Variants in IGSF3 observed in about 807,000 individuals in gnomAD.
IGSF3 encodes glu-Trp-Ile EWI motif-containing protein 3.
A neutral mutation model predicts 114.4 loss-of-function variants in IGSF3; 23 were observed. The observed-to-expected ratio is 0.20, with a 90% confidence interval of 0.14 to 0.28. The LOEUF (loss-of-function observed/expected upper bound fraction) is 0.28. IGSF3 is among the 10% of genes least tolerant of loss of function. IGSF3 has a pLI of 1.00. For missense variants in IGSF3, 1,172 were observed against 1,591.5 expected, an observed-to-expected ratio of 0.74 and a Z score of 4.48; for synonymous variants, 571 against 645.2, an observed-to-expected ratio of 0.88 and a Z score of 1.74.
At chr1:116,601,096 T>C (rs1245979639) in intron 6 of IGSF3, among the ~76,000 whole-genome samples, 1 of 152,212 alleles carries the variant, frequency 6.6e-6, no homozygotes, top group East Asian at 1.9e-4. Context: ...CCAGTATTTA[T>C]TGAGCACTAT....
In IGSF3 at chr1:116,579,469, A is replaced by G; in HGVS notation, c.3257T>C (p.Leu1086Pro). ...GNYSCHVEEW[L>P]PSPQKEWYRL... ...GTACCATTCCTTCTGAGGGCTGGGC[A>G]GCCACTCCTCCACATGGCAGGAGTA... is the stretch of plus-strand genomic sequence containing the variant. The change falls in exon 10 of 11, where the codon CTG (leucine) becomes CCG (proline). Residue 1086 changes from leucine to proline, a missense_variant. Leu to Pro is a moderately conservative substitution (Grantham distance 98). Around this residue, in one of 3 missense-constraint regions of IGSF3, gnomAD observed 423 missense variants for 509.8 expected, o/e 0.83. Coordinates refer to ENST00000369486, the MANE Select transcript of IGSF3 (RefSeq NM_001007237.3). This position sits in a 1 kb window ranked among gnomAD's most constrained non-coding sequence, Gnocchi z 6.4. The G allele has an allele frequency of 6.2e-7, 1 of 1,613,416 alleles. No homozygotes were observed. The highest frequency in any genetic ancestry group is 8.5e-7 in the Non-Finnish European group (1 of 1,179,736).
At position 116,657,540 on chromosome 1, in the gene IGSF3, G is replaced by A. The variant is rs138578715; in HGVS notation, c.43+8744C>T. 0.034 allele frequency among the ~76,000 whole-genome samples: 5,247 copies of A among 152,186 alleles called. 308 individuals carry two copies. Among genetic ancestry groups the A allele is most frequent in the African/African-American group, 0.12 (4,943 of 41,470 alleles). ...GAACTGGACTATATCAAGTGTGAAC[G>A]ATCATACTGGTTATCATGTGGGAAA... On this transcript the variant is annotated intron_variant, in intron 2 of 10. Transcript: ENST00000369486. The surrounding 1 kb of genome is among the most constrained non-coding windows in gnomAD (Gnocchi z 4.2).
chr1:116,615,958 TA>T lies in IGSF3; in HGVS notation c.421+121del. On this transcript the variant is annotated intron_variant, in intron 3 of 10. Coordinates refer to ENST00000369486, the MANE Select transcript of IGSF3 (RefSeq NM_001007237.3). The surrounding 1 kb of genome is among the most constrained non-coding windows in gnomAD (Gnocchi z 4.3). Reference sequence around the variant, plus strand: ...TTTCCTTGTGCTATCTGTTGACCCCTAAAATATGTTGGGAGTTTTGGGATTT... The same window carrying T: ...TTTCCTTGTGCTATCTGTTGACCCCTAAATATGTTGGGAGTTTTGGGATTT... 1.4e-6 allele frequency: 1 copy of T among 722,422 alleles called. No homozygotes were observed. The highest frequency in any genetic ancestry group is 2.3e-6 in the Non-Finnish European group (1 of 435,294). 44.8% of individuals were successfully genotyped at this position (722,422 alleles called of 1,614,324 possible). A position where few individuals can be genotyped will look rare whatever the true frequency, so the allele number is the denominator to read the frequency against.
rs12025247 is a variant in IGSF3, at chr1:116,647,373, G to A, written c.43+18911C>T. 6.6e-5 allele frequency among the ~76,000 whole-genome samples: 10 copies of A among 152,284 alleles called. No homozygotes were observed. Among genetic ancestry groups the A allele is most frequent in the East Asian group, 3.9e-4 (2 of 5,182 alleles). ...TCCAAAGGTCGTGCCTTTATGGCTC[G>A]CAACTATGTGCTGAGTGTGGCCCAA... On this transcript the variant is annotated intron_variant, in intron 2 of 10. Transcript: ENST00000369486. The surrounding 1 kb of genome is among the most constrained non-coding windows in gnomAD (Gnocchi z 4.6).
In IGSF3 at chr1:116,666,702, C is replaced by A; in HGVS notation, c.-376G>T. ...CATCCACTGATTATACAGAAATGTC[C>A]TTGGCTTCTCAGTGAAGGTGTCTGT... On this transcript the variant is annotated 5_prime_UTR_variant, in exon 2 of 11. The change creates a new upstream start codon in the 5' untranslated region. Transcript: ENST00000369486. 1 of 510,954 alleles carries A rather than the reference C, an allele frequency of 2.0e-6. No homozygotes were observed. Among genetic ancestry groups the A allele is most frequent in the Non-Finnish European group, 3.4e-6 (1 of 293,690 alleles). 31.7% of individuals were successfully genotyped at this position (510,954 alleles called of 1,614,324 possible).
Position 116,584,721 on chromosome 1 carries a change from C to T in IGSF3, c.2772G>A (p.Leu924=). 1 of 1,613,522 alleles carries T rather than the reference C, an allele frequency of 6.2e-7. No homozygotes were observed. Among genetic ancestry groups the T allele is most frequent in the Non-Finnish European group, 8.5e-7 (1 of 1,179,410 alleles). ...GTYSCHVEEW[L]PSPSGMWYKR... is the part of the protein sequence containing the mutation. Reference sequence around the variant, plus strand: ...TATACCACATGCCACTGGGGCTGGGCAGCCACTCCTCCACATGGCAGCTGT... The same window carrying T: ...TATACCACATGCCACTGGGGCTGGGTAGCCACTCCTCCACATGGCAGCTGT... The change falls in exon 9 of 11, where the codon CTG becomes CTA. Residue 924 remains leucine (L), a synonymous_variant. Coordinates refer to ENST00000369486, the MANE Select transcript of IGSF3 (RefSeq NM_001007237.3). This position sits in a 1 kb window ranked among gnomAD's most constrained non-coding sequence, Gnocchi z 5.8.
chr1:116,621,858 TTAAC>T (rs1333370198), intron 2 of IGSF3, among the ~76,000 whole-genome samples: 2 of 152,200 alleles, frequency 1.3e-5, no homozygotes, highest in African/African-American at 4.8e-5. Flanking sequence ...ATGATACCAC[TTAAC>T]TAGTTTTTCA....
At chr1:116,599,387 CAT>C (rs886290988) in intron 7 of IGSF3, among the ~76,000 whole-genome samples, 38 of 120,304 alleles carry the variant, frequency 3.2e-4, no homozygotes, top group African/African-American at 1.5e-3. Flanking sequence ...CAGACACATA[CAT>C]ATACACACAC....
intron 2 of IGSF3, among the ~76,000 whole-genome samples, chr1:116,639,488 T>C (rs550597805): frequency 1.1e-3 from 162 of 152,344 alleles, no homozygotes; most frequent in African/African-American, 3.8e-3. Context: ...CACCTGCAGA[T>C]GACAGAAGGA....
At position 116,579,771 on chromosome 1, in the gene IGSF3, G is replaced by C; in HGVS notation, c.2955C>G (p.Arg985=). 1.2e-6 allele frequency: 2 copies of C among 1,614,172 alleles called. No homozygotes were observed. The highest frequency in any genetic ancestry group is 1.7e-6 in the Non-Finnish European group (2 of 1,180,032). The change falls in exon 10 of 11, where the codon CGC becomes CGG. Residue 985 remains arginine (R), a synonymous_variant. Coordinates refer to ENST00000369486, the MANE Select transcript of IGSF3 (RefSeq NM_001007237.3). This position sits in a 1 kb window ranked among gnomAD's most constrained non-coding sequence, Gnocchi z 6.4. ...TCAGGGAATACCAGGCCACAGCGAA[G>C]CGGGAGTCCTGGCTGGAGCGGGACA... ...SIVSRSSQDS[R]FAVAWYSLRT...
chr1:116,651,577 T>A lies in IGSF3; in HGVS notation c.43+14707A>T, dbSNP rs1648638089. On this transcript the variant is annotated intron_variant, in intron 2 of 10. Transcript: ENST00000369486. The surrounding 1 kb of genome is among the most constrained non-coding windows in gnomAD (Gnocchi z 4.4). The stretch of plus-strand genomic sequence containing the variant: ...GTGTTAAATGCAGCCTACCATAGGA[T>A]CGTTGATTACAACATGCATTCAACA... 6.6e-6 allele frequency among the ~76,000 whole-genome samples: 1 copy of A among 152,256 alleles called. No homozygotes were observed. Among genetic ancestry groups the A allele is most frequent in the Non-Finnish European group, 1.5e-5 (1 of 68,052 alleles).
Position 116,649,932 on chromosome 1 carries a change from C to T in IGSF3, c.43+16352G>A, listed in dbSNP as rs1289841207. On this transcript the variant is annotated intron_variant, in intron 2 of 10. Transcript: ENST00000369486. The surrounding 1 kb of genome is among the most constrained non-coding windows in gnomAD (Gnocchi z 4.5). Reference sequence around the variant, plus strand: ...GTCTTCACAGGTTTGCTCATGCCACCATTCCTTTCCCCAGAACGCCCTTCT... The same window carrying T: ...GTCTTCACAGGTTTGCTCATGCCACTATTCCTTTCCCCAGAACGCCCTTCT... Among the ~76,000 whole-genome samples the T allele has an allele frequency of 6.6e-6, 1 of 152,202 alleles. No individual in the cohort carries two copies. The highest frequency in any genetic ancestry group is 1.5e-5 in the Non-Finnish European group (1 of 68,028).
In IGSF3 at chr1:116,592,070, G is replaced by A. The variant is rs1184751167; in HGVS notation, c.2030-2966C>T. On this transcript the variant is annotated intron_variant, in intron 7 of 10. Coordinates refer to ENST00000369486, the MANE Select transcript of IGSF3 (RefSeq NM_001007237.3). This position sits in a 1 kb window ranked among gnomAD's most constrained non-coding sequence, Gnocchi z 4.5. Reference sequence around the variant, plus strand: ...AGAATGGGAGTTGTCAAGCATAAGTGGCAATCTTCCTGCTCAAAGTGCTGT... The same window carrying A: ...AGAATGGGAGTTGTCAAGCATAAGTAGCAATCTTCCTGCTCAAAGTGCTGT... Among the ~76,000 whole-genome samples, 1 of 152,092 alleles carries A rather than the reference G, an allele frequency of 6.6e-6. No individual in the cohort carries two copies. The highest frequency in any genetic ancestry group is 1.5e-5 in the Non-Finnish European group (1 of 68,026).
chr1:116,656,064 G>C (rs1648832187), intron 2 of IGSF3, among the ~76,000 whole-genome samples: 1 of 151,994 alleles, frequency 6.6e-6, no homozygotes, highest in Non-Finnish European at 1.5e-5. Context: ...TTCTGATATA[G>C]CCATAAAATT....
In IGSF3 at chr1:116,577,720, C is replaced by T. The variant is rs1010169765; in HGVS notation, c.3335-158G>A. 1.3e-5 allele frequency among the ~76,000 whole-genome samples: 2 copies of T among 152,092 alleles called. No homozygotes were observed. The highest frequency in any genetic ancestry group is 4.8e-5 in the African/African-American group (2 of 41,388). On this transcript the variant is annotated intron_variant, in intron 10 of 10. Coordinates refer to ENST00000369486, the MANE Select transcript of IGSF3 (RefSeq NM_001007237.3). This position sits in a 1 kb window ranked among gnomAD's most constrained non-coding sequence, Gnocchi z 5.7. The stretch of plus-strand genomic sequence containing the variant: ...GCTACCATTAATGGTGGAAGATGAC[C>T]CTTATATTCTTTTTCTCGCAACACC...
Position 116,608,137 on chromosome 1 carries a change from G to C in IGSF3, c.1027C>G (p.Arg343Gly), listed in dbSNP as rs186643565. Residue 343 changes from arginine to glycine, a missense_variant, in exon 5 of 11, where the codon CGG becomes GGG. Physicochemically the swap from Arg to Gly is moderately radical, Grantham distance 125. Transcript: ENST00000369486. ...ACCTTAAGCTGTCCCCTGGCTTCCC[G>C]GTGAGCAAATTCGCTGTTGAGGACA... ...VPVLNSEFAH[R>G]EARGQLKVAK... 6.2e-7 allele frequency: 1 copy of C among 1,613,740 alleles called. No homozygotes were observed. Among genetic ancestry groups the C allele is most frequent in the African/African-American group, 1.3e-5 (1 of 74,882 alleles).
rs190748113 is a variant in IGSF3 at position 116,639,859 on chromosome 1, C to T, written c.44-23402G>A. On this transcript the variant is annotated intron_variant, in intron 2 of 10. Coordinates refer to ENST00000369486, the MANE Select transcript of IGSF3 (RefSeq NM_001007237.3). ...GACCAATCTGGCCAACACGGTGAAA[C>T]CCCGTCTCTACTGAAAACACAAAAA... 5.0e-3 allele frequency among the ~76,000 whole-genome samples: 753 copies of T among 152,030 alleles called. 3 individuals are homozygous for T. The highest frequency in any genetic ancestry group is 0.013 in the South Asian group (64 of 4,812).
rs1185234914 is a variant in IGSF3 at position 116,650,332 on chromosome 1, A to T, written c.43+15952T>A. Among the ~76,000 whole-genome samples the T allele has an allele frequency of 2.6e-5, 4 of 152,202 alleles. No individual in the cohort carries two copies. Among genetic ancestry groups the T allele is most frequent in the Non-Finnish European group, 5.9e-5 (4 of 68,030 alleles). Reference sequence around the variant, plus strand: ...CAACAAACCTGCTTTCCTCATTGCAACAAGATGGCTGCTTCATGTCCGAGA... The same window carrying T: ...CAACAAACCTGCTTTCCTCATTGCATCAAGATGGCTGCTTCATGTCCGAGA... On this transcript the variant is annotated intron_variant, in intron 2 of 10. Coordinates refer to ENST00000369486, the MANE Select transcript of IGSF3 (RefSeq NM_001007237.3). The surrounding 1 kb of genome is among the most constrained non-coding windows in gnomAD (Gnocchi z 5.0).
chr1:116,613,850 G>A lies in IGSF3; in HGVS notation c.747C>T (p.Ala249=), dbSNP rs145625228. ...SDQGEFYCEA[A]EWIQDPDGSW... ...ACCCATCCGGATCCTGGATCCACTC[G>A]GCGGCCTCGCAGTAGAATTCGCCCT... Residue 249 remains alanine, a synonymous_variant, in exon 4 of 11, where the codon GCC becomes GCT. Coordinates refer to ENST00000369486, the MANE Select transcript of IGSF3 (RefSeq NM_001007237.3). 1.1e-4 allele frequency: 177 copies of A among 1,613,820 alleles called. No homozygotes were observed. The highest frequency in any genetic ancestry group is 1.7e-4 in the African/African-American group (13 of 74,914).
Sources: gnomAD v4.1 joint callset for allele counts (sites outside exome capture counted in the v4.1 genomes callset) on GRCh38, gnomAD v4.1.1 for gene constraint, gnomAD v4.1.1 regional missense constraint, Gnocchi (gnomAD v3.1) non-coding constraint, MANE v1.5 for transcripts, NCBI Gene and HGNC (gene_info 2026-07-23, HGNC 2026-07-21) for gene names.